Variants in SUGCT observed in about 807,000 individuals in gnomAD.
The protein encoded by SUGCT is succinyl-CoA:glutarate CoA-transferase.
SUGCT carries 41 observed loss-of-function variants against 55.0 expected under a neutral mutation model. The observed-to-expected ratio is 0.74, with a 90% CI of 0.58 to 0.97. SUGCT has a LOEUF of 0.97. SUGCT is among the 50% of genes least tolerant of loss of function. The pLI is 0.00. For missense variants in SUGCT, 568 were observed against 547.8 expected (o/e 1.04, Z -0.37); for synonymous variants, 187 against 200.4 (o/e 0.93, Z 0.56).
chr7:40,480,881 C>A (rs1304886840), intron 11 of SUGCT, among the ~76,000 whole-genome samples: 2 of 152,080 alleles, frequency 1.3e-5, no homozygotes, highest in Non-Finnish European at 2.9e-5. Flanking sequence ...TACACACATA[C>A]ATACACCCAG....
intron 12 of SUGCT, among the ~76,000 whole-genome samples, chr7:40,523,136 G>A (rs1793630997): frequency 6.6e-6 from 1 of 151,868 alleles, no homozygotes; most frequent in South Asian, 2.1e-4. Flanking sequence ...AGGGAAAAGT[G>A]GTAAGTCCCT....
At chr7:40,696,594 A>G (rs1201994420) in intron 12 of SUGCT, among the ~76,000 whole-genome samples, 1 of 152,168 alleles carries the variant, frequency 6.6e-6, no homozygotes, top group African/African-American at 2.4e-5. Context: ...TCCAAACTCC[A>G]AGTTTCAGCC....
chr7:40,506,825 AG>A (rs1264665703), intron 12 of SUGCT, among the ~76,000 whole-genome samples: 2 of 152,110 alleles, frequency 1.3e-5, no homozygotes, highest in Non-Finnish European at 2.9e-5. Flanking sequence ...GAACCCCTCA[AG>A]TAAATTTTTC....
chr7:40,593,911 A>T (rs1042068445), intron 12 of SUGCT, among the ~76,000 whole-genome samples: 6 of 152,144 alleles, frequency 3.9e-5, no homozygotes, highest in Non-Finnish European at 8.8e-5. Flanking sequence ...AATAGCAAAG[A>T]CTTGGAACCA....
At chr7:40,941,423 C>T in the SUGCT span, among the ~76,000 whole-genome samples, 1 of 151,972 alleles carries the variant, frequency 6.6e-6, no homozygotes, top group East Asian at 1.9e-4. Context: ...TTTTATTCCA[C>T]TGTGGTCTGA....
the SUGCT span, among the ~76,000 whole-genome samples, chr7:40,903,844 C>A: frequency 6.6e-6 from 1 of 152,318 alleles, no homozygotes; most frequent in East Asian, 1.9e-4. Flanking sequence ...AAGGGTGCCT[C>A]TGTATCCCCA....
the SUGCT span, among the ~76,000 whole-genome samples, chr7:40,896,229 A>G: frequency 6.6e-6 from 1 of 152,204 alleles, no homozygotes; most frequent in African/African-American, 2.4e-5. Context: ...TAAGAAAACA[A>G]TCCCATTTAT....
chr7:40,331,630 A>G (rs1796315780), intron 9 of SUGCT, among the ~76,000 whole-genome samples: 1 of 152,114 alleles, frequency 6.6e-6, no homozygotes, highest in Non-Finnish European at 1.5e-5. Flanking sequence ...CTGATAACCC[A>G]GTTCATCAAC....
intron 13 of SUGCT, among the ~76,000 whole-genome samples, chr7:40,857,639 G>A (rs956859845): frequency 1.3e-5 from 2 of 152,016 alleles, no homozygotes; most frequent in African/African-American, 4.8e-5. Flanking sequence ...TCCCTCATTC[G>A]ATCACTGTGT....
chr7:40,396,852 A>G (rs531146659), intron 9 of SUGCT, among the ~76,000 whole-genome samples: 24 of 152,274 alleles, frequency 1.6e-4, no homozygotes, highest in African/African-American at 5.1e-4. Context: ...TTTAAGCAGT[A>G]ACTGGACAAA....
At chr7:40,489,477 T>C (rs993571380) in intron 11 of SUGCT, among the ~76,000 whole-genome samples, 10 of 152,070 alleles carry the variant, frequency 6.6e-5, no homozygotes, top group African/African-American at 9.7e-5. Flanking sequence ...GGTCAAGAGA[T>C]AGAGACCATC....
At chr7:40,242,905 G>GAATATATATATATATATATATA (rs1789502269) in intron 7 of SUGCT, among the ~76,000 whole-genome samples, 1 of 59,190 alleles carries the variant, frequency 1.7e-5, no homozygotes, top group Non-Finnish European at 3.0e-5. Flanking sequence ...GTGCTATGTG[G>GAATATATATATATATATATATA]CATATATATA....
chr7:40,175,696 T>C (rs993728491), intron 1 of SUGCT, among the ~76,000 whole-genome samples: 5 of 151,870 alleles, frequency 3.3e-5, no homozygotes, highest in Admixed American at 3.3e-4. Context: ...GACAGCACTA[T>C]GCTTCTGGGC....
At chr7:40,369,483 G>C (rs1372043199) in intron 9 of SUGCT, among the ~76,000 whole-genome samples, 1 of 152,104 alleles carries the variant, frequency 6.6e-6, no homozygotes, top group Non-Finnish European at 1.5e-5. Flanking sequence ...GCAGGAGCTT[G>C]ATGTATAACG....
At chr7:40,595,727 C>T (rs771851146) in intron 12 of SUGCT, among the ~76,000 whole-genome samples, 6 of 151,578 alleles carry the variant, frequency 4.0e-5, no homozygotes, top group Admixed American at 2.6e-4. Context: ...AATCATTTAG[C>T]TGTCCCAACT....
the SUGCT span, among the ~76,000 whole-genome samples, chr7:41,004,210 A>T: frequency 6.6e-6 from 1 of 152,236 alleles, no homozygotes; most frequent in Non-Finnish European, 1.5e-5. Context: ...TCTGATTCTC[A>T]TTAGATTCGC....
the SUGCT span, among the ~76,000 whole-genome samples, chr7:40,880,031 C>T: frequency 6.6e-5 from 10 of 152,202 alleles, no homozygotes; most frequent in Admixed American, 1.3e-4. Context: ...AGCAATAGGC[C>T]TCAATGTATA....
chr7:40,305,993 T>G (rs1054077191), intron 8 of SUGCT, among the ~76,000 whole-genome samples: 6 of 152,194 alleles, frequency 3.9e-5, no homozygotes, highest in Admixed American at 3.9e-4. Flanking sequence ...TTTTACATCC[T>G]CAAAAAGAAA....
intron 13 of SUGCT, among the ~76,000 whole-genome samples, chr7:40,772,208 T>G (rs1442026896): frequency 1.3e-5 from 2 of 152,116 alleles, no homozygotes; most frequent in Non-Finnish European, 2.9e-5. Context: ...AGAGTAACAT[T>G]CTCATTGAAA....
Sources: gnomAD v4.1 joint callset for allele counts (sites outside exome capture counted in the v4.1 genomes callset) on GRCh38, gnomAD v4.1.1 for gene constraint, MANE v1.5 for transcripts, NCBI Gene and HGNC (gene_info 2026-07-23, HGNC 2026-07-21) for gene names.